The following TTC7B variants were observed in gnomAD, a reference collection of about 807,000 sequenced individuals.
TTC7B encodes tetratricopeptide repeat protein 7B.
In TTC7B, 28 loss-of-function variants were observed where a neutral mutation model predicts 106.8. That is an observed-to-expected ratio of 0.26 (90% CI 0.19 to 0.36). The LOEUF is 0.36. TTC7B is among the 10% of genes least tolerant of loss of function. The pLI, the probability that TTC7B is intolerant of heterozygous loss-of-function variation, is 1.00. For synonymous variants in TTC7B, 405 were observed against 430.6 expected, an observed-to-expected ratio of 0.94 and a Z score of 0.74; for missense variants, 862 against 1,076.4, an observed-to-expected ratio of 0.80 and a Z score of 2.79.
At position 90,534,438 on chromosome 14, in the gene TTC7B, T is replaced by C. The variant is rs1889365193; in HGVS notation, c.*6930A>G. 6.6e-6 allele frequency: 1 copy of C among 152,492 alleles called. No individual in the cohort carries two copies. The highest frequency in any genetic ancestry group is 1.5e-5 in the Non-Finnish European group (1 of 68,258). The allele number at this position is 152,492 out of a possible 1,614,324, so 9.4% of individuals were successfully genotyped here. A position where few individuals can be genotyped will look rare whatever the true frequency, so the allele number is the denominator to read the frequency against. ...GGCTTATGGTCAAGTGTGTGGCTGC[T>C]TCTGGAGTAGGCAGGATGGACAGGG... On this transcript the variant is annotated 3_prime_UTR_variant, in exon 20 of 20. Coordinates refer to ENST00000328459, the MANE Select transcript of TTC7B (RefSeq NM_001010854.2).
At chr14:90,579,562 C>T (rs1891400980) in intron 18 of TTC7B, among the ~76,000 whole-genome samples, 1 of 152,208 alleles carries the variant, frequency 6.6e-6, no homozygotes, top group Non-Finnish European at 1.5e-5. Flanking sequence ...CTTTGGGAGG[C>T]CGAGGCGGGC....
At chr14:90,712,288 A>T (rs1888478798) in intron 5 of TTC7B, among the ~76,000 whole-genome samples, 1 of 152,232 alleles carries the variant, frequency 6.6e-6, no homozygotes, top group South Asian at 2.1e-4. Flanking sequence ...GAGATTCTCG[A>T]CAATGCAATA....
At chr14:90,766,457 C>T (rs938450913) in intron 3 of TTC7B, 2 of 634,186 alleles carry the variant, frequency 3.2e-6, no homozygotes, top group Non-Finnish European at 5.6e-6. Flanking sequence ...TCAAAAAGGA[C>T]ATAGAAAACC....
chr14:90,584,400 G>C (rs369288125), intron 18 of TTC7B, among the ~76,000 whole-genome samples: 4 of 152,332 alleles, frequency 2.6e-5, no homozygotes, highest in African/African-American at 9.6e-5. Context: ...TTGGCTGTGC[G>C]GGGTGTGCAC....
chr14:90,650,400 A>G (rs1885665918), intron 13 of TTC7B, among the ~76,000 whole-genome samples: 1 of 152,168 alleles, frequency 6.6e-6, no homozygotes, highest in African/African-American at 2.4e-5. Context: ...ACACAGGGTG[A>G]CCAACTTGTC....
chr14:90,544,937 G>T (rs1012785286), intron 19 of TTC7B, among the ~76,000 whole-genome samples: 3 of 152,194 alleles, frequency 2.0e-5, no homozygotes, highest in Non-Finnish European at 4.4e-5. Context: ...TATAATTCAG[G>T]TCCCACTAGG....
chr14:90,598,802 C>T (rs1463155843), intron 17 of TTC7B, among the ~76,000 whole-genome samples: 1 of 152,234 alleles, frequency 6.6e-6, no homozygotes, highest in Non-Finnish European at 1.5e-5. Flanking sequence ...TGTGAGCCCT[C>T]TTCCACCAAA....
At position 90,544,369 on chromosome 14, in the gene TTC7B, CCAAA is replaced by C. The variant is rs540736535; in HGVS notation, c.2311-2784_2311-2781del. On this transcript the variant is annotated intron_variant, in intron 19 of 19. Transcript: ENST00000328459. ...TCTGCCAGAGAAGGTTCCGGGGTGG[CCAAA>C]CAGCCGAGGGTAGCTGGCCACTGCA... Among the ~76,000 whole-genome samples, 124 of 152,298 alleles carry C rather than the reference CCAAA, an allele frequency of 8.1e-4. 1 individual carries two copies. Among genetic ancestry groups the C allele is most frequent in the African/African-American group, 3.0e-3 (123 of 41,568 alleles).
At chr14:90,611,156 C>A (rs559595913) in intron 16 of TTC7B, among the ~76,000 whole-genome samples, 2 of 152,042 alleles carry the variant, frequency 1.3e-5, no homozygotes, top group Non-Finnish European at 2.9e-5. Context: ...AGGGGGAAAC[C>A]GACTGGCATT....
intron 12 of TTC7B, among the ~76,000 whole-genome samples, chr14:90,654,451 G>T (rs903576160): frequency 2.0e-5 from 3 of 152,182 alleles, no homozygotes; most frequent in Admixed American, 2.0e-4. Context: ...CCATCCATCA[G>T]AACTCTAAGC....
chr14:90,602,423 T>C (rs1892462695), intron 17 of TTC7B, among the ~76,000 whole-genome samples: 1 of 152,232 alleles, frequency 6.6e-6, no homozygotes, highest in Non-Finnish European at 1.5e-5. Flanking sequence ...ACTGTTAGGC[T>C]GGGCGTGATG....
At chr14:90,618,956 T>A (rs1308853088) in intron 15 of TTC7B, among the ~76,000 whole-genome samples, 1 of 152,208 alleles carries the variant, frequency 6.6e-6, no homozygotes, top group Non-Finnish European at 1.5e-5. Context: ...CAGGCTAGAG[T>A]GCAGTGGCAC....
At chr14:90,736,583 G>A (rs549118742) in intron 4 of TTC7B, among the ~76,000 whole-genome samples, 3 of 151,580 alleles carry the variant, frequency 2.0e-5, no homozygotes, top group South Asian at 4.2e-4. Context: ...GAAAAAAAAG[G>A]GGGGGTGGGT....
intron 9 of TTC7B, among the ~76,000 whole-genome samples, chr14:90,662,170 C>T (rs1481624027): frequency 6.6e-6 from 1 of 152,208 alleles, no homozygotes; most frequent in Non-Finnish European, 1.5e-5. Context: ...AGAAGAGAAG[C>T]GATAGGAATG....
chr14:90,784,612 G>T (rs1266046982), intron 2 of TTC7B, among the ~76,000 whole-genome samples: 1 of 152,064 alleles, frequency 6.6e-6, no homozygotes, highest in Non-Finnish European at 1.5e-5. Context: ...CGCCATGTTG[G>T]CCAGGCTGGT....
chr14:90,733,932 T>G (rs1486532341), intron 4 of TTC7B, among the ~76,000 whole-genome samples: 1 of 152,236 alleles, frequency 6.6e-6, no homozygotes, highest in African/African-American at 2.4e-5. Context: ...ATACAAATAT[T>G]ATAATCCTTA....
rs1185082932 is a variant in TTC7B at position 90,538,852 on chromosome 14, C to T, written c.*2516G>A. 1 of 152,154 alleles carries T rather than the reference C, an allele frequency of 6.6e-6. No individual in the cohort carries two copies. The highest frequency in any genetic ancestry group is 1.5e-5 in the Non-Finnish European group (1 of 68,048). 9.4% of individuals were successfully genotyped at this position (152,154 alleles called of 1,614,324 possible). A position where few individuals can be genotyped will look rare whatever the true frequency, so the allele number is the denominator to read the frequency against. Reference sequence around the variant, plus strand: ...TGGAAAAATCTCGGGCCGCAGTGCTCCAGCGGTGACCCGGGGCCCGGCTCT... The same window carrying T: ...TGGAAAAATCTCGGGCCGCAGTGCTTCAGCGGTGACCCGGGGCCCGGCTCT... On this transcript the variant is annotated 3_prime_UTR_variant, in exon 20 of 20. Transcript: ENST00000328459.
chr14:90,699,292 C>A, intron 5 of TTC7B: 1 of 443,946 alleles, frequency 2.3e-6, no homozygotes, highest in Non-Finnish European at 4.5e-6. Context: ...AATGGAAAAC[C>A]AAGGCTAGAG....
chr14:90,543,798 T>C (rs1889704533), intron 19 of TTC7B, among the ~76,000 whole-genome samples: 1 of 152,214 alleles, frequency 6.6e-6, no homozygotes, highest in Non-Finnish European at 1.5e-5. Context: ...TTGCCCTCGC[T>C]TTAGGCAGTG....
Sources: allele counts gnomAD v4.1 joint callset (sites outside exome capture counted in the v4.1 genomes callset), GRCh38; gene constraint gnomAD v4.1.1; transcripts MANE v1.5; gene names NCBI Gene and HGNC (gene_info 2026-07-23, HGNC 2026-07-21).